The following FMN1 variants were observed in gnomAD, a reference collection of about 807,000 sequenced individuals.
FMN1 encodes the protein formin 1.
In FMN1, 110 loss-of-function variants were observed where a neutral mutation model predicts 132.4. The observed-to-expected ratio is 0.83, with a 90% CI of 0.71 to 0.97. The LOEUF is 0.97. Among genes scored for constraint, FMN1 ranks in the 50% least tolerant of loss-of-function variants. FMN1 has a pLI of 0.00. For missense variants in FMN1, 1,792 were observed against 1,705.3 expected (o/e 1.05, Z -0.90); for synonymous variants, 722 against 651.7 (o/e 1.11, Z -1.64).
chr15:32,874,221 C>T (rs1283914462), intron 16 of FMN1, among the ~76,000 whole-genome samples: 1 of 151,726 alleles, frequency 6.6e-6, no homozygotes, highest in Non-Finnish European at 1.5e-5. Context: ...CGGGATTTCG[C>T]TATGTTGGTC....
chr15:32,819,633 C>CA (rs1321067692), intron 17 of FMN1, among the ~76,000 whole-genome samples: 3 of 151,478 alleles, frequency 2.0e-5, no homozygotes, highest in African/African-American at 7.3e-5. Context: ...TTCCTTCCCA[C>CA]AAAAAAATTT....
chr15:33,009,092 A>C (rs894560236), intron 6 of FMN1, among the ~76,000 whole-genome samples: 7 of 152,234 alleles, frequency 4.6e-5, no homozygotes, highest in African/African-American at 1.7e-4. Flanking sequence ...TTACGGCTAG[A>C]TAGACCTCTA....
rs534279967 is a variant in FMN1 at position 33,081,099 on chromosome 15, G to A, written c.2043+7700C>T. On this transcript the variant is annotated intron_variant, in intron 5 of 20. Coordinates refer to ENST00000616417, the MANE Select transcript of FMN1 (RefSeq NM_001277313.2). ...ACCCCCTGCACGGAGGGTACTCCACGGCAAAACTTCCGCTTCTTAAACCCT... is the reference window on the plus strand; with the variant it reads ...ACCCCCTGCACGGAGGGTACTCCACAGCAAAACTTCCGCTTCTTAAACCCT... Among the ~76,000 whole-genome samples, 12 of 152,128 alleles carry A rather than the reference G, an allele frequency of 7.9e-5. No individual in the cohort carries two copies. The East Asian group carries it at 1.2e-3, about 15-fold the overall frequency.
At chr15:32,958,137 A>G (rs1258198594) in intron 9 of FMN1, among the ~76,000 whole-genome samples, 1 of 152,214 alleles carries the variant, frequency 6.6e-6, no homozygotes, top group Non-Finnish European at 1.5e-5. Flanking sequence ...CTTTTTACTC[A>G]AAGATTTGGC....
chr15:32,978,730 T>G (rs1042391477), intron 7 of FMN1, among the ~76,000 whole-genome samples: 1 of 152,160 alleles, frequency 6.6e-6, no homozygotes, highest in Non-Finnish European at 1.5e-5. Flanking sequence ...TTTTAATATT[T>G]CCCTCTAGAT....
chr15:32,779,742 A>G (rs764933806), intron 19 of FMN1, among the ~76,000 whole-genome samples: 1 of 152,198 alleles, frequency 6.6e-6, no homozygotes, highest in Non-Finnish European at 1.5e-5. Flanking sequence ...TTTGAATTAA[A>G]CTTAATTTTC....
At chr15:32,865,535 G>A (rs1181994694) in intron 16 of FMN1, among the ~76,000 whole-genome samples, 2 of 152,098 alleles carry the variant, frequency 1.3e-5, no homozygotes, top group Non-Finnish European at 2.9e-5. Context: ...AGCAACAAAC[G>A]TTATTAAAAT....
chr15:32,818,784 C>G (rs571979537), intron 17 of FMN1, among the ~76,000 whole-genome samples: 1 of 152,028 alleles, frequency 6.6e-6, no homozygotes, highest in Non-Finnish European at 1.5e-5. Context: ...CACACAAGCA[C>G]GCATTCAGTA....
intron 20 of FMN1, among the ~76,000 whole-genome samples, chr15:32,776,240 G>GTT (rs1299340808): frequency 6.6e-6 from 1 of 152,172 alleles, no homozygotes; most frequent in Non-Finnish European, 1.5e-5. Context: ...ACTATTGTCC[G>GTT]TAACACCTAG....
intron 3 of FMN1, among the ~76,000 whole-genome samples, chr15:33,177,916 G>A (rs948996718): frequency 6.6e-6 from 1 of 152,140 alleles, no homozygotes; most frequent in Non-Finnish European, 1.5e-5. Flanking sequence ...GCTGAGGCAG[G>A]AGAATTGCTT....
In FMN1 at chr15:33,018,196, A is replaced by G. The variant is rs768292591; in HGVS notation, c.2162-10121T>C. ...CTTGTGCATGAGATTAGTGTGTGTG[A>G]TACTGCAAAATATGTATTTGGCCCT... is the stretch of plus-strand genomic sequence containing the variant. On this transcript the variant is annotated intron_variant, in intron 6 of 20. Transcript: ENST00000616417. 2.7e-4 allele frequency among the ~76,000 whole-genome samples: 41 copies of G among 152,166 alleles called. 1 individual carries two copies. The highest frequency in any genetic ancestry group is 5.1e-4 in the Non-Finnish European group (35 of 68,032).
chr15:32,900,538 G>C (rs2060269608), intron 13 of FMN1, among the ~76,000 whole-genome samples: 1 of 152,150 alleles, frequency 6.6e-6, no homozygotes, highest in South Asian at 2.1e-4. Flanking sequence ...TATTTATCTA[G>C]ATAACCAATA....
intron 4 of FMN1, among the ~76,000 whole-genome samples, chr15:33,123,046 G>A (rs760587786): frequency 6.6e-6 from 1 of 150,954 alleles, no homozygotes; most frequent in Non-Finnish European, 1.5e-5. Flanking sequence ...CAACTAAATA[G>A]GTTTACAGCA....
intron 10 of FMN1, among the ~76,000 whole-genome samples, chr15:32,911,741 G>C (rs2060565979): frequency 6.6e-6 from 1 of 152,140 alleles, no homozygotes; most frequent in Admixed American, 6.6e-5. Flanking sequence ...ACATGGAACA[G>C]AGAGAAAAGA....
intron 5 of FMN1, chr15:33,067,886 T>C: frequency 6.2e-7 from 1 of 1,604,722 alleles, no homozygotes; most frequent in Non-Finnish European, 8.5e-7. Context: ...GTTCTCCATG[T>C]CTCAGTAATG....
intron 6 of FMN1, chr15:33,064,259 G>A (rs1007380677): frequency 5.9e-5 from 9 of 152,202 alleles, no homozygotes; most frequent in African/African-American, 2.2e-4. Context: ...TCAGGAAGAA[G>A]GCAGAGAGGT....
At chr15:32,871,425 A>G (rs948700638) in intron 16 of FMN1, among the ~76,000 whole-genome samples, 4 of 152,112 alleles carry the variant, frequency 2.6e-5, no homozygotes, top group African/African-American at 4.8e-5. Flanking sequence ...TTCTCCTGTT[A>G]TTTCACAAAC....
At chr15:33,096,432 A>C (rs1363697607) in intron 4 of FMN1, among the ~76,000 whole-genome samples, 1 of 152,156 alleles carries the variant, frequency 6.6e-6, no homozygotes, top group Non-Finnish European at 1.5e-5. Flanking sequence ...CAGAGCTGCT[A>C]AGAAATGGCC....
chr15:33,127,381 C>T (rs370511050), intron 4 of FMN1, among the ~76,000 whole-genome samples: 39 of 152,302 alleles, frequency 2.6e-4, no homozygotes, highest in Middle Eastern at 6.8e-3. Flanking sequence ...ACACAGACCA[C>T]CCACTTTACC....
Sources: allele counts gnomAD v4.1 joint callset (sites outside exome capture counted in the v4.1 genomes callset), GRCh38; gene constraint gnomAD v4.1.1; transcripts MANE v1.5; gene names NCBI Gene and HGNC (gene_info 2026-07-23, HGNC 2026-07-21).